Variants in CIMIP6 observed in about 807,000 individuals in gnomAD.
CIMIP6 encodes the protein ciliary microtubule inner protein 6, also known as uncharacterized protein C2orf73.
At chr2:54,360,342 A>G in the CIMIP6 span, 3 of 1,611,006 alleles carry the variant, frequency 1.9e-6, no homozygotes, top group Non-Finnish European at 2.5e-6. Flanking sequence ...AACTCAGCGG[A>G]AAGCAGAATG....
At chr2:54,341,583 G>C in the CIMIP6 span, among the ~76,000 whole-genome samples, 6 of 152,288 alleles carry the variant, frequency 3.9e-5, no homozygotes, top group African/African-American at 1.4e-4. Context: ...TACTTAGCTG[G>C]TTTTGCATTC....
the CIMIP6 span, chr2:54,335,137 C>T: frequency 1.3e-6 from 1 of 798,328 alleles, no homozygotes; most frequent in Non-Finnish European, 1.9e-6. Flanking sequence ...TAGTACTTAT[C>T]ATAATCCAAT....
At chr2:54,331,863 C>G in the CIMIP6 span, among the ~76,000 whole-genome samples, 19 of 152,196 alleles carry the variant, frequency 1.2e-4, no homozygotes, top group African/African-American at 4.6e-4. Flanking sequence ...GTCCCTGGAA[C>G]AATGGTTCTC....
chr2:54,371,718 G>C, the CIMIP6 span, among the ~76,000 whole-genome samples: 1 of 152,236 alleles, frequency 6.6e-6, no homozygotes, highest in Non-Finnish European at 1.5e-5. Context: ...TTCAGTGCCA[G>C]AAACACAGTG....
chr2:54,368,786 C>A, the CIMIP6 span, among the ~76,000 whole-genome samples: 6 of 152,212 alleles, frequency 3.9e-5, no homozygotes, highest in African/African-American at 1.4e-4. Context: ...TACTCCATGC[C>A]ATGTATCATC....
At chr2:54,364,348 C>T in the CIMIP6 span, among the ~76,000 whole-genome samples, 26 of 151,958 alleles carry the variant, frequency 1.7e-4, no homozygotes, top group Non-Finnish European at 3.1e-4. Context: ...GAAAACCAAA[C>T]AAAAACAAAA....
At chr2:54,356,292 G>A in the CIMIP6 span, among the ~76,000 whole-genome samples, 1 of 152,206 alleles carries the variant, frequency 6.6e-6, no homozygotes, top group Non-Finnish European at 1.5e-5. Context: ...TTATCCTGGA[G>A]GGACTTCTGC....
At chr2:54,358,290 A>G in the CIMIP6 span, among the ~76,000 whole-genome samples, 1 of 152,250 alleles carries the variant, frequency 6.6e-6, no homozygotes, top group Admixed American at 6.5e-5. Flanking sequence ...TGGCCAAACT[A>G]TAGATTCAAC....
At chr2:54,351,060 AAT>A in the CIMIP6 span, among the ~76,000 whole-genome samples, 3 of 152,222 alleles carry the variant, frequency 2.0e-5, no homozygotes, top group Non-Finnish European at 2.9e-5. Context: ...AAATTTGAAA[AAT>A]ATGTTTCAAG....
the CIMIP6 span, among the ~76,000 whole-genome samples, chr2:54,343,478 AG>A: frequency 6.6e-6 from 1 of 152,212 alleles, no homozygotes; most frequent in Non-Finnish European, 1.5e-5. Flanking sequence ...TGTTGATAGA[AG>A]GAAGGTAGCT....
chr2:54,352,430 T>C, the CIMIP6 span, among the ~76,000 whole-genome samples: 1 of 152,222 alleles, frequency 6.6e-6, no homozygotes, highest in East Asian at 1.9e-4. Context: ...TTACAGACAG[T>C]GTTAACTGAC....
the CIMIP6 span, among the ~76,000 whole-genome samples, chr2:54,364,668 C>G: frequency 1.3e-5 from 2 of 152,030 alleles, no homozygotes; most frequent in Non-Finnish European, 2.9e-5. Context: ...TGGCCCATAA[C>G]AAATGAAAAA....
the CIMIP6 span, among the ~76,000 whole-genome samples, chr2:54,376,213 T>C: frequency 3.4e-5 from 3 of 88,650 alleles, no homozygotes; most frequent in East Asian, 1.4e-3. Flanking sequence ...TTTCTACCTT[T>C]TTTTTTTTTG....
the CIMIP6 span, among the ~76,000 whole-genome samples, chr2:54,367,556 AG>A: frequency 6.6e-6 from 1 of 152,104 alleles, no homozygotes; most frequent in African/African-American, 2.4e-5. Context: ...TTCATGATGT[AG>A]GGAGGACAGG....
At chr2:54,373,492 T>A in the CIMIP6 span, among the ~76,000 whole-genome samples, 1 of 152,172 alleles carries the variant, frequency 6.6e-6, no homozygotes, top group Non-Finnish European at 1.5e-5. Flanking sequence ...TTGCAACACT[T>A]CCTGTCTCTA....
chr2:54,383,430 C>G, the CIMIP6 span: 1 of 152,182 alleles, frequency 6.6e-6, no homozygotes, highest in Non-Finnish European at 1.5e-5. Context: ...TTTACACAAA[C>G]TGTTTTTTCC....
the CIMIP6 span, among the ~76,000 whole-genome samples, chr2:54,381,634 C>T: frequency 1.9e-4 from 29 of 152,324 alleles, no homozygotes; most frequent in African/African-American, 6.3e-4. Context: ...CTATGCTGTT[C>T]TTCAAAGACC....
the CIMIP6 span, among the ~76,000 whole-genome samples, chr2:54,356,099 G>T: frequency 6.6e-6 from 1 of 150,480 alleles, no homozygotes; most frequent in Non-Finnish European, 1.5e-5. Flanking sequence ...ACTCTACTAG[G>T]CTGGTCATGT....
chr2:54,374,960 C>T, the CIMIP6 span, among the ~76,000 whole-genome samples: 1 of 152,188 alleles, frequency 6.6e-6, no homozygotes, highest in Non-Finnish European at 1.5e-5. Flanking sequence ...TTCTGTTTTG[C>T]TTCACACATA....
Sources: gnomAD v4.1 joint callset for allele counts (sites outside exome capture counted in the v4.1 genomes callset) on GRCh38, gnomAD v4.1.1 for gene constraint, MANE v1.5 for transcripts, NCBI Gene and HGNC (gene_info 2026-07-23, HGNC 2026-07-21) for gene names.